The following MAPKAP1 variants were observed in gnomAD, a reference collection of about 807,000 sequenced individuals.
MAPKAP1 encodes the protein target of rapamycin complex 2 subunit MAPKAP1.
In MAPKAP1, 20 loss-of-function variants were observed where a neutral mutation model predicts 65.7. The ratio of observed to expected loss-of-function variants is 0.30; its 90% CI spans 0.21 to 0.44. The LOEUF (loss-of-function observed/expected upper bound fraction) is 0.44. Ranked by LOEUF, MAPKAP1 falls within the 20% of genes least tolerant of loss-of-function variation. The probability of loss-of-function intolerance (pLI) is 1.00; values close to 1 mark genes in which losing one functional copy is unlikely to be tolerated. For missense variants in MAPKAP1, 423 were observed against 648.0 expected, an observed-to-expected ratio of 0.65 and a Z score of 3.77; for synonymous variants, 222 against 244.3, an observed-to-expected ratio of 0.91 and a Z score of 0.85.
chr9:125,578,354 C>T (rs1375191746), intron 5 of MAPKAP1, among the ~76,000 whole-genome samples: 1 of 151,990 alleles, frequency 6.6e-6, no homozygotes, highest in Non-Finnish European at 1.5e-5. Context: ...TGTTTATCTG[C>T]TGACCTTCCC....
chr9:125,565,627 G>T, intron 5 of MAPKAP1: 1 of 379,970 alleles, frequency 2.6e-6, no homozygotes. Flanking sequence ...TGAAATCAGA[G>T]AAAAGGCGTT....
intron 8 of MAPKAP1, among the ~76,000 whole-genome samples, chr9:125,493,721 G>C (rs1193108689): frequency 6.6e-6 from 1 of 152,216 alleles, no homozygotes; most frequent in African/African-American, 2.4e-5. Context: ...CACACACTAA[G>C]TGCTTAACGC....
intron 4 of MAPKAP1, among the ~76,000 whole-genome samples, chr9:125,656,534 T>C (rs1834036775): frequency 6.6e-6 from 1 of 152,054 alleles, no homozygotes; most frequent in Admixed American, 6.6e-5. Context: ...ACATGCTTAC[T>C]GAAACCTACG....
intron 4 of MAPKAP1, among the ~76,000 whole-genome samples, chr9:125,606,250 G>A (rs573278648): frequency 2.0e-5 from 3 of 151,852 alleles, no homozygotes; most frequent in Non-Finnish European, 4.4e-5. Flanking sequence ...GAAGAAAGAA[G>A]GAAAAGAAAA....
At position 125,631,619 on chromosome 9, in the gene MAPKAP1, C is replaced by T. The variant is rs540239642; in HGVS notation, c.498+26032G>A. ...CCACAGCCATGGTGATTTATTCAGA[C>T]GTAAGGATGTCAGTTTCCTGCTCCA... On this transcript the variant is annotated intron_variant, in intron 4 of 11. Transcript: ENST00000265960. 3.3e-5 allele frequency among the ~76,000 whole-genome samples: 5 copies of T among 152,306 alleles called. No individual in the cohort carries two copies. The South Asian group carries it at 8.3e-4, about 25-fold the overall frequency.
intron 9 of MAPKAP1, among the ~76,000 whole-genome samples, chr9:125,479,572 C>T (rs2133022204): frequency 6.7e-6 from 1 of 149,236 alleles, no homozygotes; most frequent in South Asian, 2.1e-4. Context: ...AAGAGCGAAA[C>T]TCCATCTCAA....
At position 125,576,556 on chromosome 9, in the gene MAPKAP1, C is replaced by T. The variant is rs1011681727; in HGVS notation, c.671+8999G>A. 8.5e-5 allele frequency among the ~76,000 whole-genome samples: 13 copies of T among 152,332 alleles called. No individual in the cohort carries two copies. In the East Asian group the frequency reaches 2.1e-3, roughly 25 times the overall value. ...GGTCTCCCTCTCTTTCCACGGTCTC[C>T]CTCTGATGCCCAGCCGAAGCTGGAC... is the stretch of plus-strand genomic sequence containing the variant. On this transcript the variant is annotated intron_variant, in intron 5 of 11. Coordinates refer to ENST00000265960, the MANE Select transcript of MAPKAP1 (RefSeq NM_001006617.3).
chr9:125,630,661 T>G (rs547618033), intron 4 of MAPKAP1, among the ~76,000 whole-genome samples: 6 of 152,328 alleles, frequency 3.9e-5, no homozygotes, highest in Admixed American at 3.9e-4. Flanking sequence ...GAAAGATGAT[T>G]AACACCTCTG....
intron 7 of MAPKAP1, among the ~76,000 whole-genome samples, chr9:125,526,175 A>G (rs1829760871): frequency 1.3e-5 from 2 of 152,220 alleles, no homozygotes; most frequent in Admixed American, 6.5e-5. Flanking sequence ...AGTAAGTTCA[A>G]GCCTTTGGGG....
At chr9:125,518,524 G>A (rs1399090479) in intron 7 of MAPKAP1, among the ~76,000 whole-genome samples, 2 of 152,102 alleles carry the variant, frequency 1.3e-5, no homozygotes, top group East Asian at 1.9e-4. Context: ...AAAAAAATTA[G>A]CTGGTTGTGA....
At chr9:125,590,572 A>G (rs960290377) in intron 4 of MAPKAP1, among the ~76,000 whole-genome samples, 1 of 151,692 alleles carries the variant, frequency 6.6e-6, no homozygotes, top group African/African-American at 2.4e-5. Context: ...ATTGCTTGCA[A>G]CTGGGAGGCA....
chr9:125,589,158 G>A (rs1002001755), intron 4 of MAPKAP1, among the ~76,000 whole-genome samples: 1 of 152,090 alleles, frequency 6.6e-6, no homozygotes, highest in African/African-American at 2.4e-5. Context: ...AGACCCTTAT[G>A]AGAATTATTA....
chr9:125,607,231 C>T (rs1363747182), intron 4 of MAPKAP1, among the ~76,000 whole-genome samples: 3 of 152,206 alleles, frequency 2.0e-5, no homozygotes, highest in South Asian at 4.2e-4. Flanking sequence ...AATATTATAG[C>T]GACTGAAACA....
chr9:125,604,755 T>G (rs537130147), intron 4 of MAPKAP1, among the ~76,000 whole-genome samples: 2 of 152,272 alleles, frequency 1.3e-5, no homozygotes, highest in Non-Finnish European at 2.9e-5. Flanking sequence ...TTGTGTGTAC[T>G]GAAAATCAAC....
At chr9:125,624,422 G>A (rs1365319271) in intron 4 of MAPKAP1, among the ~76,000 whole-genome samples, 9 of 107,236 alleles carry the variant, frequency 8.4e-5, no homozygotes, top group Admixed American at 5.2e-4. Context: ...CGCCCCGTCC[G>A]GGAGGGAGGT....
chr9:125,682,782 T>C (rs1366478615), intron 1 of MAPKAP1, among the ~76,000 whole-genome samples: 1 of 152,218 alleles, frequency 6.6e-6, no homozygotes, highest in Non-Finnish European at 1.5e-5. Flanking sequence ...AAGCTGTAAC[T>C]AGCACTCAAT....
At chr9:125,698,288 AATAT>A (rs57303829) in intron 1 of MAPKAP1, among the ~76,000 whole-genome samples, 1,135 of 48,232 alleles carry the variant, frequency 0.024, 11 homozygotes, top group South Asian at 0.034. Flanking sequence ...AATATATATA[AATAT>A]ATATATATAT....
At chr9:125,533,355 G>A (rs914959181) in intron 7 of MAPKAP1, among the ~76,000 whole-genome samples, 1 of 152,160 alleles carries the variant, frequency 6.6e-6, no homozygotes, top group African/African-American at 2.4e-5. Context: ...CATCAGTTTG[G>A]CAAAAATTAA....
At chr9:125,461,140 A>G (rs938984940) in intron 10 of MAPKAP1, among the ~76,000 whole-genome samples, 4 of 152,236 alleles carry the variant, frequency 2.6e-5, no homozygotes, top group Non-Finnish European at 4.4e-5. Context: ...GTTACTGGAA[A>G]CCAAACTGGG....
Sources: allele counts gnomAD v4.1 joint callset (sites outside exome capture counted in the v4.1 genomes callset), GRCh38; gene constraint gnomAD v4.1.1; transcripts MANE v1.5; gene names NCBI Gene and HGNC (gene_info 2026-07-23, HGNC 2026-07-21).